FHIP1A: variants seen among roughly 807,000 people sequenced by gnomAD.
FHIP1A encodes the protein FHF complex subunit HOOK interacting protein 1A.
Under a neutral mutation model 88.6 loss-of-function variants are expected in FHIP1A, and 61 were observed. The ratio of observed to expected loss-of-function variants is 0.69; its 90% confidence interval spans 0.56 to 0.85. The LOEUF is 0.85. Ranked by LOEUF, FHIP1A falls within the 40% of genes least tolerant of loss-of-function variation. FHIP1A has a pLI of 0.00. For missense variants in FHIP1A, 1,154 were observed against 1,273.5 expected, an observed-to-expected ratio of 0.91 and a Z score of 1.43; for synonymous variants, 478 against 496.0, an observed-to-expected ratio of 0.96 and a Z score of 0.48.
intron 7 of FHIP1A, among the ~76,000 whole-genome samples, chr4:151,610,403 T>A (rs1228018834): frequency 6.6e-6 from 1 of 152,228 alleles, no homozygotes; most frequent in African/African-American, 2.4e-5. Context: ...GTGTATATCA[T>A]CTTTCCACTG....
chr4:151,421,889 A>T (rs549088467), intron 1 of FHIP1A, among the ~76,000 whole-genome samples: 2 of 152,140 alleles, frequency 1.3e-5, no homozygotes, highest in South Asian at 2.1e-4. Context: ...CACATATATG[A>T]TCTAATTTGA....
intron 1 of FHIP1A, among the ~76,000 whole-genome samples, chr4:151,434,405 A>G (rs1474864517): frequency 6.6e-6 from 1 of 152,176 alleles, no homozygotes; most frequent in Non-Finnish European, 1.5e-5. Flanking sequence ...CATATTCTAA[A>G]TTTACATATT....
chr4:151,597,617 G>T (rs865986997), intron 7 of FHIP1A, among the ~76,000 whole-genome samples: 2 of 152,192 alleles, frequency 1.3e-5, no homozygotes, highest in South Asian at 2.1e-4. Context: ...AGTCTGCTGA[G>T]GCTGTGCCCA....
At chr4:151,645,725 CA>C (rs376540977) in intron 9 of FHIP1A, among the ~76,000 whole-genome samples, 16 of 151,680 alleles carry the variant, frequency 1.1e-4, no homozygotes, top group African/African-American at 3.9e-4. Context: ...TTTAAATAAG[CA>C]GTATGTTTTT....
At chr4:151,621,642 C>CA in intron 7 of FHIP1A, among the ~76,000 whole-genome samples, 2 of 152,226 alleles carry the variant, frequency 1.3e-5, no homozygotes, top group South Asian at 4.2e-4. Context: ...CAGTGGTTCT[C>CA]AGATACTTCA....
Position 151,567,826 on chromosome 4 carries a change from CAT to C in FHIP1A, c.105+1465_105+1466del, listed in dbSNP as rs1201594369. On this transcript the variant is annotated intron_variant, in intron 4 of 13. Transcript: ENST00000435205. The stretch of plus-strand genomic sequence containing the variant: ...TTTAAAAAATCTATTAGTGCATAAT[CAT>C]ATGTTTTTAACTGAGAACATTTTCA... 7.9e-5 allele frequency among the ~76,000 whole-genome samples: 12 copies of C among 152,256 alleles called. No homozygotes were observed. The East Asian group carries it at 1.5e-3, about 20-fold the overall frequency.
intron 3 of FHIP1A, among the ~76,000 whole-genome samples, chr4:151,563,242 A>G (rs573527135): frequency 6.6e-6 from 1 of 152,252 alleles, no homozygotes; most frequent in South Asian, 2.1e-4. Context: ...TTTCTTGCCC[A>G]TTACCACAAC....
chr4:151,516,747 A>G (rs374646335), intron 3 of FHIP1A, among the ~76,000 whole-genome samples: 4 of 152,260 alleles, frequency 2.6e-5, no homozygotes, highest in Admixed American at 6.5e-5. Context: ...CAAAACCACA[A>G]TGAGATACCA....
chr4:151,465,766 C>T (rs909189073), intron 2 of FHIP1A, among the ~76,000 whole-genome samples: 4 of 152,148 alleles, frequency 2.6e-5, no homozygotes, highest in African/African-American at 4.8e-5. Context: ...GAACCAACAA[C>T]GAAAACCACA....
chr4:151,637,860 T>G (rs1736412783), intron 8 of FHIP1A, among the ~76,000 whole-genome samples: 1 of 152,136 alleles, frequency 6.6e-6, no homozygotes, highest in African/African-American at 2.4e-5. Flanking sequence ...TTTACAGCAT[T>G]GTTGTAGATT....
At chr4:151,649,264 G>A (rs1178487906) in intron 10 of FHIP1A, among the ~76,000 whole-genome samples, 195 bp from the exon 11 acceptor site, 2 of 152,102 alleles carry the variant, frequency 1.3e-5, no homozygotes, top group South Asian at 2.1e-4. Flanking sequence ...TCTATCTTCC[G>A]TGAGGGTAGA....
At chr4:151,602,437 A>G (rs1435067735) in intron 7 of FHIP1A, among the ~76,000 whole-genome samples, 1 of 152,146 alleles carries the variant, frequency 6.6e-6, no homozygotes, top group Non-Finnish European at 1.5e-5. Context: ...GGAGTTTATA[A>G]TCTGGGACCC....
intron 13 of FHIP1A, 141 bp from the exon 14 acceptor site, chr4:151,662,360 T>C: frequency 1.2e-6 from 1 of 836,384 alleles, no homozygotes; most frequent in Non-Finnish European, 1.8e-6. Context: ...GGGCTGCATC[T>C]TCAGGATTTA....
chr4:151,639,001 T>C (rs1477354193), intron 9 of FHIP1A, among the ~76,000 whole-genome samples: 2 of 152,216 alleles, frequency 1.3e-5, no homozygotes, highest in Non-Finnish European at 2.9e-5. Context: ...ATTGTAAATA[T>C]GCTCCTGGAA....
intron 3 of FHIP1A, among the ~76,000 whole-genome samples, chr4:151,489,341 T>A (rs989139672): frequency 2.6e-5 from 4 of 152,052 alleles, no homozygotes; most frequent in African/African-American, 9.7e-5. Flanking sequence ...ACAGGGGTCT[T>A]TGGGGAAGGG....
At chr4:151,422,056 A>C (rs192481195) in intron 1 of FHIP1A, among the ~76,000 whole-genome samples, 1 of 151,920 alleles carries the variant, frequency 6.6e-6, no homozygotes, top group Non-Finnish European at 1.5e-5. Context: ...CAAATTATAT[A>C]TGAGGGGTAT....
intron 1 of FHIP1A, among the ~76,000 whole-genome samples, chr4:151,445,415 C>G (rs979859520): frequency 1.3e-5 from 2 of 151,950 alleles, no homozygotes; most frequent in Non-Finnish European, 2.9e-5. Context: ...TTGATTAAAT[C>G]ATTGGCCATT....
chr4:151,541,005 T>C (rs1580685884), intron 3 of FHIP1A, among the ~76,000 whole-genome samples: 1 of 152,232 alleles, frequency 6.6e-6, no homozygotes, highest in East Asian at 1.9e-4. Flanking sequence ...TTTGAGTATG[T>C]ACGTACCTCC....
intron 7 of FHIP1A, among the ~76,000 whole-genome samples, chr4:151,619,219 A>T (rs1392025929): frequency 6.6e-6 from 1 of 152,242 alleles, no homozygotes; most frequent in Non-Finnish European, 1.5e-5. Flanking sequence ...AACAAAATAT[A>T]AGTAGTGTTT....
Sources: gnomAD v4.1 joint callset for allele counts (sites outside exome capture counted in the v4.1 genomes callset) on GRCh38, gnomAD v4.1.1 for gene constraint, MANE v1.5 for transcripts, NCBI Gene and HGNC (gene_info 2026-07-23, HGNC 2026-07-21) for gene names.